The following TNFRSF19 variants were observed in gnomAD, a reference collection of about 807,000 sequenced individuals.
The protein encoded by TNFRSF19 is TNF receptor superfamily member 19, also known as tumor necrosis factor receptor superfamily member 19.
Under a neutral mutation model 46.4 loss-of-function variants are expected in TNFRSF19, and 27 were observed. That is an observed-to-expected ratio of 0.58 (90% confidence interval 0.43 to 0.80). The LOEUF is 0.80. Among genes scored for constraint, TNFRSF19 ranks in the 30% least tolerant of loss-of-function variants. TNFRSF19 has a pLI of 0.00. For synonymous variants in TNFRSF19, 204 were observed against 205.0 expected (o/e 1.00, Z 0.04); for missense variants, 511 against 530.8 (o/e 0.96, Z 0.37).
chr13:23,593,511 TAACTC>T (rs984895965), intron 3 of TNFRSF19, 56 bp downstream of exon 3: 1 of 1,176,966 alleles, frequency 8.5e-7, no homozygotes, highest in African/African-American at 1.6e-5. Flanking sequence ...GCATTCGTCT[TAACTC>T]AATTCTTTGA....
intron 5 of TNFRSF19, among the ~76,000 whole-genome samples, chr13:23,635,842 A>G (rs1882642101): frequency 3.3e-5 from 5 of 152,234 alleles, no homozygotes. Flanking sequence ...AGGATGTTTT[A>G]ACTTTCAAAA....
chr13:23,600,981 T>C (rs1464003595), intron 3 of TNFRSF19, among the ~76,000 whole-genome samples: 1 of 152,156 alleles, frequency 6.6e-6, no homozygotes, highest in East Asian at 1.9e-4. Context: ...CTTGGAGTTA[T>C]CAGAGAGAAT....
At chr13:23,620,792 C>T (rs2138271703) in intron 4 of TNFRSF19, among the ~76,000 whole-genome samples, 1 of 152,294 alleles carries the variant, frequency 6.6e-6, no homozygotes, top group Admixed American at 6.5e-5. Flanking sequence ...CTTCCTGGCT[C>T]AGGGGAACTG....
rs1413130176 is a variant in TNFRSF19, at chr13:23,668,741, A to T, written c.889A>T (p.Thr297Ser). The T allele has an allele frequency of 5.6e-6, 9 of 1,614,126 alleles. No individual in the cohort carries two copies. The highest frequency in any genetic ancestry group is 7.6e-6 in the Non-Finnish European group (9 of 1,180,038). ...EMVPTFFGSL[T>S]QSICGEFSDA... ...GGTGCCGACTTTCTTCGGATCCCTC[A>T]CGCAGTCCATCTGTGGCGAGTTTTC... Residue 297 changes from threonine (T) to serine (S), a missense_variant, in exon 9 of 10, where the codon ACG becomes TCG. Physicochemically the swap from Thr to Ser is moderately conservative, Grantham distance 58 (BLOSUM62 1). Coordinates refer to ENST00000248484, the MANE Select transcript of TNFRSF19 (RefSeq NM_148957.4).
intron 5 of TNFRSF19, among the ~76,000 whole-genome samples, chr13:23,646,923 A>G (rs751872185): frequency 1.1e-4 from 16 of 152,202 alleles, no homozygotes; most frequent in East Asian, 1.9e-4. Context: ...ACAGGTCCCA[A>G]TTTCTCCACA....
chr13:23,656,992 A>G (rs934007839), intron 5 of TNFRSF19, among the ~76,000 whole-genome samples: 11 of 152,170 alleles, frequency 7.2e-5, no homozygotes, highest in African/African-American at 2.4e-4. Context: ...TTGCTGTATA[A>G]TGAACATTTA....
At position 23,659,172 on chromosome 13, in the gene TNFRSF19, G is replaced by A. The variant is rs1363836175; in HGVS notation, c.568G>A (p.Val190Ile). 2 of 1,613,960 alleles carry A rather than the reference G, an allele frequency of 1.2e-6. No homozygotes were observed. Among genetic ancestry groups the A allele is most frequent in the Admixed American group, 1.7e-5 (1 of 60,006 alleles). Residue 190 changes from valine (V) to isoleucine (I), a missense_variant, in exon 6 of 10, where the codon GTC (valine) becomes ATC (isoleucine). This residue lies in a region of TNFRSF19 where 376 missense variants were observed against 372.7 expected (regional missense o/e 1.01). Transcript: ENST00000248484. The surrounding 1 kb of genome is among the most constrained non-coding windows in gnomAD (Gnocchi z 4.9). ...CCTGCTGGCCCTGCTCATCCTCTGT[G>A]TCATCTATTGTAAGAGACAGTTTAT... Reference protein sequence around the residue: ...TVLLALLILCVIYCKRQFMEK... With the variant: ...TVLLALLILCIIYCKRQFMEK...
At chr13:23,581,212 C>G (rs912446787) in intron 1 of TNFRSF19, among the ~76,000 whole-genome samples, 1 of 151,694 alleles carries the variant, frequency 6.6e-6, no homozygotes, top group African/African-American at 2.4e-5. Flanking sequence ...CAAGCTCCCG[C>G]TCTGCGCACT....
At chr13:23,626,187 C>CTGTG (rs35509472) in intron 4 of TNFRSF19, among the ~76,000 whole-genome samples, 3,178 of 145,476 alleles carry the variant, frequency 0.022, 123 homozygotes, top group East Asian at 0.2. Context: ...TCTTTAAAAT[C>CTGTG]TGTGTGTGTG....
At chr13:23,575,130 C>A (rs1482679087) in intron 1 of TNFRSF19, among the ~76,000 whole-genome samples, 1 of 152,188 alleles carries the variant, frequency 6.6e-6, no homozygotes, top group Non-Finnish European at 1.5e-5. Context: ...CTCAAGCCAG[C>A]CCTAGGTCGG....
At chr13:23,600,462 C>T (rs1439402509) in intron 3 of TNFRSF19, among the ~76,000 whole-genome samples, 1 of 152,178 alleles carries the variant, frequency 6.6e-6, no homozygotes, top group East Asian at 1.9e-4. Flanking sequence ...CCCTCCCATG[C>T]TTTTGTGAGT....
intron 9 of TNFRSF19, chr13:23,669,454 TTA>T: frequency 2.0e-6 from 2 of 980,878 alleles, no homozygotes; most frequent in Non-Finnish European, 2.4e-6. Flanking sequence ...ATACTTATTA[TTA>T]TATATATATT....
chr13:23,587,584 G>A (rs1361482201), intron 1 of TNFRSF19, among the ~76,000 whole-genome samples: 1 of 152,102 alleles, frequency 6.6e-6, no homozygotes, highest in East Asian at 1.9e-4. Context: ...CATCAGTTTT[G>A]TTGAGGTAGC....
intron 9 of TNFRSF19, among the ~76,000 whole-genome samples, chr13:23,671,017 G>A (rs750693237): frequency 5.9e-5 from 9 of 152,186 alleles, no homozygotes; most frequent in Admixed American, 1.3e-4. Flanking sequence ...GTCTTCATAC[G>A]AGGTCATCCC....
chr13:23,652,573 A>C (rs1464174006), intron 5 of TNFRSF19, among the ~76,000 whole-genome samples: 4 of 152,216 alleles, frequency 2.6e-5, no homozygotes, highest in African/African-American at 9.6e-5. Flanking sequence ...TGGATTCTCT[A>C]TTGATATATA....
intron 3 of TNFRSF19, among the ~76,000 whole-genome samples, chr13:23,609,641 G>C (rs1328271501): frequency 6.6e-6 from 1 of 152,152 alleles, no homozygotes; most frequent in Non-Finnish European, 1.5e-5. Flanking sequence ...TTATTGGGAG[G>C]ACTTTAGTTA....
At chr13:23,651,064 A>G (rs1371683422) in intron 5 of TNFRSF19, among the ~76,000 whole-genome samples, 3 of 152,216 alleles carry the variant, frequency 2.0e-5, no homozygotes, top group Admixed American at 2.0e-4. Context: ...TAAAGCTTAC[A>G]CTTCAGAACT....
rs1951799402 is a variant in TNFRSF19, at chr13:23,674,453, T to C, written c.*1073T>C. 1 of 152,226 alleles carries C rather than the reference T, an allele frequency of 6.6e-6. No homozygotes were observed. Among genetic ancestry groups the C allele is most frequent in the African/African-American group, 2.4e-5 (1 of 41,462 alleles). 9.4% of individuals were successfully genotyped at this position (152,226 alleles called of 1,614,324 possible). A position where few individuals can be genotyped will look rare whatever the true frequency, so the allele number is the denominator to read the frequency against. On this transcript the variant is annotated 3_prime_UTR_variant, in exon 10 of 10. Transcript: ENST00000248484. ...GTGTAGTTTGACCAGGACATTGTCGTGCTCCTTCCAATTGTGTAAGATTAG... is the reference window on the plus strand; with the variant it reads ...GTGTAGTTTGACCAGGACATTGTCGCGCTCCTTCCAATTGTGTAAGATTAG...
intron 1 of TNFRSF19, among the ~76,000 whole-genome samples, chr13:23,572,267 T>G (rs902311516): frequency 2.2e-4 from 33 of 152,194 alleles, no homozygotes; most frequent in African/African-American, 8.0e-4. Context: ...GAGAGGCATT[T>G]GCTTTTTTTT....
Sources: allele counts gnomAD v4.1 joint callset (sites outside exome capture counted in the v4.1 genomes callset), GRCh38; gene constraint gnomAD v4.1.1; regional missense constraint gnomAD v4.1.1; non-coding constraint Gnocchi (gnomAD v3.1); transcripts MANE v1.5; gene names NCBI Gene and HGNC (gene_info 2026-07-23, HGNC 2026-07-21).